Variants in XKR6 observed in about 807,000 individuals in gnomAD.
The protein encoded by XKR6 is XK related 6.
Under a neutral mutation model 56.7 loss-of-function variants are expected in XKR6, and 22 were observed. That is an observed-to-expected ratio of 0.39 (90% CI 0.28 to 0.55). XKR6 has a LOEUF of 0.55. Among genes scored for constraint, XKR6 ranks in the 20% least tolerant of loss-of-function variants. XKR6 has a pLI of 0.66. For synonymous variants in XKR6, 524 were observed against 387.8 expected, an observed-to-expected ratio of 1.35 and a Z score of -4.13; for missense variants, 852 against 889.0, an observed-to-expected ratio of 0.96 and a Z score of 0.53.
chr8:10,939,442 T>C (rs1346956027), intron 1 of XKR6, among the ~76,000 whole-genome samples: 2 of 152,192 alleles, frequency 1.3e-5, no homozygotes, highest in African/African-American at 4.8e-5. Context: ...GGACAGCTGC[T>C]CCCACAGTCC....
intron 1 of XKR6, among the ~76,000 whole-genome samples, chr8:11,013,282 A>C (rs1339005821): frequency 6.6e-6 from 1 of 152,174 alleles, no homozygotes; most frequent in Non-Finnish European, 1.5e-5. Context: ...GCTGACCTTC[A>C]CCACCATGTG....
intron 1 of XKR6, among the ~76,000 whole-genome samples, chr8:11,147,033 T>A (rs1164071497): frequency 6.6e-6 from 1 of 151,908 alleles, no homozygotes; most frequent in Non-Finnish European, 1.5e-5. Context: ...CAATACTGTG[T>A]GGTATACTTA....
intron 1 of XKR6, among the ~76,000 whole-genome samples, chr8:11,046,158 G>A (rs917117210): frequency 1.3e-5 from 2 of 152,204 alleles, no homozygotes; most frequent in Non-Finnish European, 1.5e-5. Flanking sequence ...CAGCACTTTG[G>A]GAGGTCGAGG....
At chr8:11,193,052 C>T (rs1048635273) in intron 1 of XKR6, among the ~76,000 whole-genome samples, 4 of 152,170 alleles carry the variant, frequency 2.6e-5, no homozygotes, top group Admixed American at 2.6e-4. Flanking sequence ...GCTCACCTAC[C>T]CATGAGTGAA....
rs550394929 is a variant in XKR6 at position 11,097,831 on chromosome 8, A to G, written c.764+102745T>C. 2.6e-3 allele frequency among the ~76,000 whole-genome samples: 382 copies of G among 149,134 alleles called. 1 individual carries two copies. Among genetic ancestry groups the G allele is most frequent in the Non-Finnish European group, 4.5e-3 (306 of 67,392 alleles). On this transcript the variant is annotated intron_variant, in intron 1 of 2. Coordinates refer to ENST00000416569, the MANE Select transcript of XKR6 (RefSeq NM_173683.4). ...TCAAAAAAAAAAAAAAAAAAAAATTATACAAATGTAAAGTATTACTAAATA... is the reference window on the plus strand; with the variant it reads ...TCAAAAAAAAAAAAAAAAAAAAATTGTACAAATGTAAAGTATTACTAAATA...
At chr8:11,145,040 A>AAAAGG (rs1800910578) in intron 1 of XKR6, among the ~76,000 whole-genome samples, 1 of 47,048 alleles carries the variant, frequency 2.1e-5, no homozygotes, top group South Asian at 8.2e-4. Flanking sequence ...AGGGAGAGAA[A>AAAAGG]GAAGGGAGGG....
At chr8:10,930,634 C>T (rs940332449) in intron 1 of XKR6, among the ~76,000 whole-genome samples, 6 of 152,156 alleles carry the variant, frequency 3.9e-5, no homozygotes, top group African/African-American at 1.4e-4. Flanking sequence ...GAATGAAAGG[C>T]TGGTCCAATA....
At chr8:11,136,882 G>A (rs1352272544) in intron 1 of XKR6, 1 of 152,184 alleles carries the variant, frequency 6.6e-6, no homozygotes, top group Non-Finnish European at 1.5e-5. Flanking sequence ...TGTGGTTACA[G>A]GTTGCATCAT....
chr8:10,908,003 C>T (rs1253885604), intron 2 of XKR6, among the ~76,000 whole-genome samples: 10 of 152,338 alleles, frequency 6.6e-5, no homozygotes, highest in Non-Finnish European at 1.0e-4. Flanking sequence ...TTTCCCTCCG[C>T]GTGGCTTCCA....
intron 1 of XKR6, among the ~76,000 whole-genome samples, chr8:10,993,130 T>C (rs537954502): frequency 6.6e-6 from 1 of 152,366 alleles, no homozygotes. Context: ...CACGGAGGGC[T>C]TTTACTATTT....
intron 2 of XKR6, among the ~76,000 whole-genome samples, chr8:10,919,411 C>G (rs1186314558): frequency 6.6e-6 from 1 of 152,166 alleles, no homozygotes; most frequent in Non-Finnish European, 1.5e-5. Context: ...TGTGCTGTGT[C>G]CCCAGACAGA....
chr8:10,949,195 C>T (rs1801642496), intron 1 of XKR6, among the ~76,000 whole-genome samples: 1 of 152,268 alleles, frequency 6.6e-6, no homozygotes, highest in South Asian at 2.1e-4. Flanking sequence ...CACCCCCCTA[C>T]TCCCGCTTCC....
intron 1 of XKR6, 76 bp from the exon 2 acceptor site, chr8:10,924,906 A>G: frequency 6.8e-7 from 1 of 1,468,354 alleles, no homozygotes; most frequent in Non-Finnish European, 9.2e-7. Context: ...CCATCCCCCT[A>G]AAACCAAGAG....
rs188442019 is a variant in XKR6, at chr8:10,968,292, T to C, written c.765-43462A>G. Among the ~76,000 whole-genome samples the C allele has an allele frequency of 1.9e-3, 291 of 152,370 alleles. 1 individual carries two copies. The highest frequency in any genetic ancestry group is 6.7e-3 in the African/African-American group (280 of 41,584). ...CCAAAGAGAAAAGTGCCTCTGCAGA[T>C]TGGACTCGGCTCACCCATTTAAAAA... On this transcript the variant is annotated intron_variant, in intron 1 of 2. Coordinates refer to ENST00000416569, the MANE Select transcript of XKR6 (RefSeq NM_173683.4).
intron 1 of XKR6, among the ~76,000 whole-genome samples, chr8:11,117,735 C>A (rs1799249424): frequency 6.6e-6 from 1 of 151,838 alleles, no homozygotes; most frequent in Non-Finnish European, 1.5e-5. Flanking sequence ...GCCAAAAAAC[C>A]ACTTATAAAC....
chr8:10,996,671 T>C (rs1339584025), intron 1 of XKR6, among the ~76,000 whole-genome samples: 2 of 152,096 alleles, frequency 1.3e-5, no homozygotes, highest in African/African-American at 2.4e-5. Context: ...GTGAAGACTG[T>C]TCTGGTCCAT....
chr8:10,908,266 G>C (rs1800240347), intron 2 of XKR6, among the ~76,000 whole-genome samples: 1 of 152,188 alleles, frequency 6.6e-6, no homozygotes, highest in Non-Finnish European at 1.5e-5. Context: ...CACTGGAACT[G>C]TGTAGGTATT....
At chr8:11,088,761 T>C (rs1418516370) in intron 1 of XKR6, among the ~76,000 whole-genome samples, 1 of 152,230 alleles carries the variant, frequency 6.6e-6, no homozygotes, top group South Asian at 2.1e-4. Flanking sequence ...AATGAGCTCC[T>C]GTAAGTGCAA....
Position 10,897,859 on chromosome 8 carries a change from G to C in XKR6, c.*93C>G. 1 of 1,476,654 alleles carries C rather than the reference G, an allele frequency of 6.8e-7. No homozygotes were observed. Among genetic ancestry groups the C allele is most frequent in the Non-Finnish European group, 9.0e-7 (1 of 1,114,488 alleles). The allele number at this position is 1,476,654 out of a possible 1,614,324, so 91.5% of individuals were successfully genotyped here. A position where few individuals can be genotyped will look rare whatever the true frequency, so the allele number is the denominator to read the frequency against. On this transcript the variant is annotated 3_prime_UTR_variant, in exon 3 of 3. Coordinates refer to ENST00000416569, the MANE Select transcript of XKR6 (RefSeq NM_173683.4). The stretch of plus-strand genomic sequence containing the variant: ...TGTTGGTGGTGGTGGCGGTGGTTCT[G>C]TGTATTGGGGGAAGGGAGGGTTATA...
Sources: allele counts gnomAD v4.1 joint callset (sites outside exome capture counted in the v4.1 genomes callset), GRCh38; gene constraint gnomAD v4.1.1; transcripts MANE v1.5; gene names NCBI Gene and HGNC (gene_info 2026-07-23, HGNC 2026-07-21).